Variants in SGCD observed in about 807,000 individuals in gnomAD.
SGCD encodes delta-sarcoglycan.
In SGCD, 18 loss-of-function variants were observed where a neutral mutation model predicts 36.6. That is an observed-to-expected ratio of 0.49 (90% CI 0.34 to 0.73). The LOEUF (loss-of-function observed/expected upper bound fraction) is 0.73. Among genes scored for constraint, SGCD ranks in the 30% least tolerant of loss-of-function variants. The pLI is 0.01. For synonymous variants in SGCD, 133 were observed against 130.6 expected, an observed-to-expected ratio of 1.02 and a Z score of -0.12; for missense variants, 387 against 346.7, an observed-to-expected ratio of 1.12 and a Z score of -0.92.
chr5:156,024,591 G>A (rs1759184479), intron 1 of SGCD, among the ~76,000 whole-genome samples: 1 of 151,944 alleles, frequency 6.6e-6, no homozygotes, highest in Non-Finnish European at 1.5e-5. Context: ...TCCAGTTATG[G>A]TTCCTGGAAA....
Position 156,149,481 on chromosome 5 carries a change from C to T in SGCD, c.-44+25462C>T, listed in dbSNP as rs184359819. On this transcript the variant is annotated intron_variant, in intron 3 of 9. Transcript: ENST00000517913. ...CCCTGAACTAATGTTTTCAGCTTAT[C>T]TCAGGATCCAGAGTCTGTGATTTCT... Among the ~76,000 whole-genome samples, 4 of 152,296 alleles carry T rather than the reference C, an allele frequency of 2.6e-5. No homozygotes were observed. The East Asian group carries it at 7.7e-4, about 29-fold the overall frequency.
chr5:155,999,194 G>A (rs1374375120), intron 1 of SGCD, among the ~76,000 whole-genome samples: 1 of 152,216 alleles, frequency 6.6e-6, no homozygotes, highest in Non-Finnish European at 1.5e-5. Context: ...TCACCCCAGG[G>A]TTTTCAGTAG....
At chr5:155,997,883 T>A (rs1758585586) in intron 1 of SGCD, among the ~76,000 whole-genome samples, 1 of 152,268 alleles carries the variant, frequency 6.6e-6, no homozygotes, top group East Asian at 1.9e-4. Flanking sequence ...TCTTTGAAGT[T>A]CCATTAGAGA....
At chr5:155,982,642 A>G (rs1429933006) in intron 1 of SGCD, among the ~76,000 whole-genome samples, 3 of 152,052 alleles carry the variant, frequency 2.0e-5, no homozygotes, top group Non-Finnish European at 2.9e-5. Context: ...GCTGTCCATG[A>G]TAAGGATTTC....
At chr5:156,581,850 G>A (rs560441358) in intron 4 of SGCD, among the ~76,000 whole-genome samples, 20 of 152,316 alleles carry the variant, frequency 1.3e-4, no homozygotes, top group Admixed American at 1.2e-3. Context: ...GGCTAGGAAA[G>A]AGAAATTCCC....
chr5:156,737,715 A>C (rs897494821), intron 7 of SGCD, among the ~76,000 whole-genome samples: 1 of 152,192 alleles, frequency 6.6e-6, no homozygotes, highest in Admixed American at 6.5e-5. Flanking sequence ...GAGATCTCTT[A>C]CATTATAATC....
chr5:156,048,006 T>C (rs1759816935), intron 1 of SGCD, among the ~76,000 whole-genome samples: 1 of 152,110 alleles, frequency 6.6e-6, no homozygotes, highest in Non-Finnish European at 1.5e-5. Context: ...CGGTGTGTGA[T>C]GTTCCCCTTC....
At chr5:156,603,244 A>T (rs1761273408) in intron 6 of SGCD, among the ~76,000 whole-genome samples, 1 of 152,058 alleles carries the variant, frequency 6.6e-6, no homozygotes, top group African/African-American at 2.4e-5. Context: ...ATTCATATAG[A>T]TACATAATAA....
intron 7 of SGCD, among the ~76,000 whole-genome samples, chr5:156,746,667 G>A (rs2113119001): frequency 6.6e-6 from 1 of 152,228 alleles, no homozygotes; most frequent in South Asian, 2.1e-4. Flanking sequence ...GGAACAACTG[G>A]ATAAACCTAT....
intron 3 of SGCD, among the ~76,000 whole-genome samples, chr5:156,216,203 A>T (rs1326646494): frequency 1.3e-5 from 2 of 152,224 alleles, no homozygotes; most frequent in Non-Finnish European, 2.9e-5. Context: ...TGGTAAACTG[A>T]TAAAAAATTT....
intron 7 of SGCD, among the ~76,000 whole-genome samples, chr5:156,745,645 G>C (rs899397116): frequency 6.6e-6 from 1 of 151,990 alleles, no homozygotes; most frequent in African/African-American, 2.4e-5. Flanking sequence ...ATGAGAATTA[G>C]CAGAGGAACA....
chr5:155,889,826 C>A (rs928057165), intron 1 of SGCD, among the ~76,000 whole-genome samples: 9 of 152,136 alleles, frequency 5.9e-5, no homozygotes, highest in African/African-American at 2.2e-4. Context: ...CATCTCATGG[C>A]CATTTGGACC....
At chr5:155,835,983 C>G in the SGCD span, among the ~76,000 whole-genome samples, 2 of 152,050 alleles carry the variant, frequency 1.3e-5, no homozygotes, top group Non-Finnish European at 2.9e-5. Flanking sequence ...GTATATATAG[C>G]GTTTAGTACT....
intron 1 of SGCD, among the ~76,000 whole-genome samples, chr5:156,090,457 A>G (rs1048612141): frequency 1.3e-5 from 2 of 152,144 alleles, no homozygotes; most frequent in African/African-American, 4.8e-5. Context: ...TTTATTAGGG[A>G]TTTTGAAAGG....
chr5:156,392,691 GT>G (rs954938921), intron 3 of SGCD, among the ~76,000 whole-genome samples: 3 of 152,196 alleles, frequency 2.0e-5, no homozygotes, highest in African/African-American at 7.2e-5. Context: ...TGAGTTCAAG[GT>G]TTTATTCAGT....
chr5:156,709,857 C>T (rs983149728), intron 7 of SGCD, among the ~76,000 whole-genome samples: 24 of 151,098 alleles, frequency 1.6e-4, no homozygotes, highest in Admixed American at 1.2e-3. Context: ...GCCACCCTCC[C>T]GCCCCCTACT....
chr5:155,987,397 C>T (rs1258922257), intron 1 of SGCD, among the ~76,000 whole-genome samples: 2 of 152,144 alleles, frequency 1.3e-5, no homozygotes, highest in East Asian at 1.9e-4. Context: ...TCACTGTCCT[C>T]GTTTGGTTTC....
chr5:156,006,758 T>C (rs181748423), intron 1 of SGCD, among the ~76,000 whole-genome samples: 1 of 152,328 alleles, frequency 6.6e-6, no homozygotes, highest in Admixed American at 6.5e-5. Flanking sequence ...ATCTATTGTA[T>C]AGGGTTGTCA....
intron 4 of SGCD, among the ~76,000 whole-genome samples, chr5:156,574,261 A>G (rs534072988): frequency 8.5e-5 from 13 of 152,326 alleles, no homozygotes; most frequent in Admixed American, 8.5e-4. Flanking sequence ...GAAACTGACC[A>G]TATCCTAACA....
Sources: allele counts gnomAD v4.1 joint callset (sites outside exome capture counted in the v4.1 genomes callset), GRCh38; gene constraint gnomAD v4.1.1; transcripts MANE v1.5; gene names NCBI Gene and HGNC (gene_info 2026-07-23, HGNC 2026-07-21).